SMAGP: variants seen among roughly 807,000 people sequenced by gnomAD.
SMAGP encodes small cell transmembrane and glycosylated protein.
Under a neutral mutation model 10.1 loss-of-function variants are expected in SMAGP, and 7 were observed. That is an observed-to-expected ratio of 0.70 (90% confidence interval 0.40 to 1.31). The LOEUF (loss-of-function observed/expected upper bound fraction) is 1.31, where lower values mean the gene tolerates loss of function less well. SMAGP is among the 50% of genes most tolerant of loss of function. SMAGP has a pLI of 0.01. For synonymous variants in SMAGP, 49 were observed against 47.2 expected, an observed-to-expected ratio of 1.04 and a Z score of -0.16; for missense variants, 113 against 116.5, an observed-to-expected ratio of 0.97 and a Z score of 0.14.
chr12:51,269,357 C>A, intron 1 of SMAGP, 41 bp from the exon 2 acceptor site: 1 of 1,553,634 alleles, frequency 6.4e-7, no homozygotes, highest in Non-Finnish European at 8.9e-7. Flanking sequence ...AGCGGGTGGG[C>A]CCCTATGGCT....
intron 2 of SMAGP, among the ~76,000 whole-genome samples, chr12:51,260,505 T>G (rs921003572): frequency 2.6e-5 from 4 of 151,104 alleles, no homozygotes; most frequent in African/African-American, 9.7e-5. Flanking sequence ...GCCTCCTGAG[T>G]AGTTGGGACT....
intron 2 of SMAGP, among the ~76,000 whole-genome samples, chr12:51,256,749 A>AC (rs1555167104): frequency 1.4e-5 from 2 of 144,480 alleles, no homozygotes; most frequent in African/African-American, 5.1e-5. Flanking sequence ...AACAAAAAAA[A>AC]CACAAACAAA....
intron 2 of SMAGP, among the ~76,000 whole-genome samples, chr12:51,252,684 C>T (rs997592678): frequency 6.6e-6 from 1 of 151,114 alleles, no homozygotes; most frequent in Non-Finnish European, 1.5e-5. Context: ...AGCCACATCG[C>T]CCCCCGAAGG....
At chr12:51,246,477 C>T (rs531245167) in intron 3 of SMAGP, 2 of 431,034 alleles carry the variant, frequency 4.6e-6, no homozygotes, top group South Asian at 5.2e-5. Context: ...ACTCAACCAA[C>T]CACATATATC....
chr12:51,261,089 T>C (rs1944928283), intron 2 of SMAGP, among the ~76,000 whole-genome samples: 1 of 107,548 alleles, frequency 9.3e-6, no homozygotes. Context: ...GTGCCCAGCC[T>C]TAATTTTTTT....
intron 2 of SMAGP, among the ~76,000 whole-genome samples, chr12:51,263,219 C>T (rs1303953159): frequency 1.3e-5 from 2 of 151,932 alleles, no homozygotes; most frequent in African/African-American, 2.4e-5. Flanking sequence ...CCTGTCTCTA[C>T]TAAAAATACA....
At chr12:51,265,651 T>C (rs751826725) in intron 2 of SMAGP, among the ~76,000 whole-genome samples, 12 of 152,196 alleles carry the variant, frequency 7.9e-5, no homozygotes, top group Non-Finnish European at 1.8e-4. Context: ...ATGAAGTACC[T>C]AGAGCAGTCA....
chr12:51,264,995 A>C (rs1337770446), intron 2 of SMAGP, among the ~76,000 whole-genome samples: 1 of 152,106 alleles, frequency 6.6e-6, no homozygotes, highest in East Asian at 1.9e-4. Flanking sequence ...TTTTTTAAAA[A>C]AAATTTTTAA....
At chr12:51,262,566 C>T (rs1396166389) in intron 2 of SMAGP, among the ~76,000 whole-genome samples, 1 of 152,028 alleles carries the variant, frequency 6.6e-6, no homozygotes, top group African/African-American at 2.4e-5. Context: ...ATAGCTTTTC[C>T]CCCATTCTCT....
chr12:51,249,439 T>A (rs536285793), intron 2 of SMAGP, among the ~76,000 whole-genome samples: 1 of 152,160 alleles, frequency 6.6e-6, no homozygotes, highest in African/African-American at 2.4e-5. Context: ...TCTGACACTA[T>A]CTCTAGGTAG....
At chr12:51,253,501 C>G (rs1317963386) in intron 2 of SMAGP, 4 of 151,602 alleles carry the variant, frequency 2.6e-5, no homozygotes, top group African/African-American at 7.3e-5. Context: ...TATGCAATAG[C>G]TAAATAAAAG....
chr12:51,256,655 G>A (rs1034406556), intron 2 of SMAGP, among the ~76,000 whole-genome samples: 1 of 152,020 alleles, frequency 6.6e-6, no homozygotes, highest in Non-Finnish European at 1.5e-5. Context: ...AGGAGGCGGA[G>A]GTTGCGGCGA....
intron 2 of SMAGP, among the ~76,000 whole-genome samples, chr12:51,265,147 T>C (rs1944963778): frequency 6.6e-6 from 1 of 152,056 alleles, no homozygotes; most frequent in African/African-American, 2.4e-5. Flanking sequence ...ACTAGGGAAA[T>C]GCAAATCAAA....
At chr12:51,269,536 C>A in intron 1 of SMAGP, 1 of 520,654 alleles carries the variant, frequency 1.9e-6, no homozygotes, top group Non-Finnish European at 3.5e-6. Context: ...CGGGGTGTTA[C>A]CTTCATACGC....
Position 51,245,572 on chromosome 12 carries a change from T to A in SMAGP, c.*369A>T, listed in dbSNP as rs1398772905. ...TATCTCCACTGGGGCTATCACTAGG[T>A]GACCAGGTAGGGGACAGAGTAGAGC... is the stretch of plus-strand genomic sequence containing the variant. On this transcript the variant is annotated 3_prime_UTR_variant, in exon 4 of 4. Coordinates refer to ENST00000603798, the MANE Select transcript of SMAGP (RefSeq NM_001031628.2). 1 of 189,440 alleles carries A rather than the reference T, an allele frequency of 5.3e-6. No homozygotes were observed. Among genetic ancestry groups the A allele is most frequent in the African/African-American group, 2.3e-5 (1 of 43,022 alleles). The allele number at this position is 189,440 out of a possible 1,614,324, so 11.7% of individuals were successfully genotyped here. A position where few individuals can be genotyped will look rare whatever the true frequency, so the allele number is the denominator to read the frequency against.
intron 2 of SMAGP, among the ~76,000 whole-genome samples, chr12:51,263,324 A>C (rs528039412): frequency 3.9e-5 from 6 of 152,002 alleles, no homozygotes; most frequent in Admixed American, 3.9e-4. Flanking sequence ...CAGAGGTTGC[A>C]GTTAGCCGAG....
In SMAGP at chr12:51,259,457, T is replaced by TAA. The variant is rs1414622183; in HGVS notation, c.34+9786_34+9787dup. Among the ~76,000 whole-genome samples the TAA allele has an allele frequency of 2.6e-5, 4 of 152,200 alleles. No individual in the cohort carries two copies. The East Asian group carries it at 7.7e-4, about 29-fold the overall frequency. ...GCTTCAAAGCTAGAGGGGCAACTAG[T>TAA]AAACTGATAAACACAGACACATTTC... is the stretch of plus-strand genomic sequence containing the variant. On this transcript the variant is annotated intron_variant, in intron 2 of 3. Transcript: ENST00000603798.
intron 2 of SMAGP, among the ~76,000 whole-genome samples, chr12:51,264,398 G>C (rs530530849): frequency 6.6e-6 from 1 of 152,206 alleles, no homozygotes; most frequent in South Asian, 2.1e-4. Flanking sequence ...CTCAGGGGCA[G>C]AGGAAGGAGC....
At chr12:51,256,811 G>A (rs1944890103) in intron 2 of SMAGP, among the ~76,000 whole-genome samples, 1 of 148,948 alleles carries the variant, frequency 6.7e-6, no homozygotes, top group African/African-American at 2.5e-5. Flanking sequence ...TCTTATATAT[G>A]GTACTAGAGG....
Sources: gnomAD v4.1 joint callset for allele counts (sites outside exome capture counted in the v4.1 genomes callset) on GRCh38, gnomAD v4.1.1 for gene constraint, MANE v1.5 for transcripts, NCBI Gene and HGNC (gene_info 2026-07-23, HGNC 2026-07-21) for gene names.